LRBA: variants seen among roughly 807,000 people sequenced by gnomAD.
LRBA encodes the protein lipopolysaccharide-responsive and beige-like anchor protein.
Under a neutral mutation model 330.0 loss-of-function variants are expected in LRBA, and 176 were observed. The ratio of observed to expected loss-of-function variants is 0.53; its 90% CI spans 0.47 to 0.60. LRBA has a LOEUF of 0.60. LRBA is among the 20% of genes least tolerant of loss of function. LRBA has a pLI of 0.00. For synonymous variants in LRBA, 1,230 were observed against 1,193.0 expected (o/e 1.03, Z -0.64); for missense variants, 3,259 against 3,444.8 (o/e 0.95, Z 1.35).
At chr4:150,689,475 AT>A (rs1783923593) in intron 36 of LRBA, among the ~76,000 whole-genome samples, 2 of 151,966 alleles carry the variant, frequency 1.3e-5, no homozygotes, top group East Asian at 1.9e-4. Flanking sequence ...ATAAATAAAT[AT>A]TTTTAAAAAG....
chr4:150,844,217 A>T lies in LRBA; in HGVS notation c.4462-10T>A. ...CAATGTCCACTGGGCTCTATTTAAG[A>T]TTAAAAAAAAATTGTATATATATAT... On this transcript the variant is annotated splice_polypyrimidine_tract_variant and intron_variant, in intron 27 of 56. Transcript: ENST00000651943. 7.0e-7 allele frequency: 1 copy of T among 1,431,134 alleles called. No homozygotes were observed. The allele number at this position is 1,431,134 out of a possible 1,614,324, so 88.7% of individuals were successfully genotyped here. A position where few individuals can be genotyped will look rare whatever the true frequency, so the allele number is the denominator to read the frequency against.
At chr4:150,916,357 AGCATAGC>A (rs1169406666) in intron 7 of LRBA, 37 bp downstream of exon 7, 2 of 1,589,982 alleles carry the variant, frequency 1.3e-6, no homozygotes, top group African/African-American at 2.7e-5. Context: ...TTTGATGACT[AGCATAGC>A]TTGTTAACAT....
chr4:150,747,406 C>A lies in LRBA; in HGVS notation c.5646-12040G>T, dbSNP rs117828815. 4.9e-4 allele frequency among the ~76,000 whole-genome samples: 74 copies of A among 152,302 alleles called. No homozygotes were observed. The East Asian group carries it at 0.013, about 27-fold the overall frequency. On this transcript the variant is annotated intron_variant, in intron 35 of 56. Coordinates refer to ENST00000651943, the MANE Select transcript of LRBA (RefSeq NM_001364905.1). ...AATCTGTCTTCCATTTGACACTGCA[C>A]CAACCATTTATAATTTATCTTTACA...
intron 49 of LRBA, among the ~76,000 whole-genome samples, chr4:150,325,588 C>G (rs1733137546): frequency 6.6e-6 from 1 of 151,992 alleles, no homozygotes; most frequent in South Asian, 2.1e-4. Flanking sequence ...CACAAGACAC[C>G]AACTGATGAA....
chr4:150,669,922 G>A (rs1271440545), intron 37 of LRBA, among the ~76,000 whole-genome samples: 1 of 152,154 alleles, frequency 6.6e-6, no homozygotes, highest in Non-Finnish European at 1.5e-5. Context: ...GACCATGGAA[G>A]TGCTCTTGTG....
intron 37 of LRBA, among the ~76,000 whole-genome samples, chr4:150,600,861 T>C (rs1269211795): frequency 6.6e-6 from 1 of 152,220 alleles, no homozygotes; most frequent in Non-Finnish European, 1.5e-5. Context: ...TGTGTATGGC[T>C]TTGATAGTCA....
intron 47 of LRBA, among the ~76,000 whole-genome samples, chr4:150,408,924 G>T (rs1746571011): frequency 6.6e-6 from 1 of 151,764 alleles, no homozygotes; most frequent in Non-Finnish European, 1.5e-5. Context: ...ATAAAATAAG[G>T]TTCCAATTAA....
chr4:150,586,881 CAG>C (rs1208606991), intron 40 of LRBA, among the ~76,000 whole-genome samples: 2 of 152,124 alleles, frequency 1.3e-5, no homozygotes, highest in Non-Finnish European at 2.9e-5. Flanking sequence ...TACCAGAAAT[CAG>C]AGAGTTTAAT....
Position 150,817,449 on chromosome 4 carries a change from A to G in LRBA, c.5172-192T>C, listed in dbSNP as rs559787869. Among the ~76,000 whole-genome samples, 6 of 152,180 alleles carry G rather than the reference A, an allele frequency of 3.9e-5. No homozygotes were observed. The South Asian group carries it at 1.2e-3, about 32-fold the overall frequency. On this transcript the variant is annotated intron_variant, in intron 30 of 56. Transcript: ENST00000651943. ...TACTGTCCATATTTATCTGCATTTC[A>G]CTATGAAAATATAATAATCTATTTA...
At chr4:150,311,608 T>TA (rs759795851) in intron 51 of LRBA, among the ~76,000 whole-genome samples, 4 of 152,162 alleles carry the variant, frequency 2.6e-5, no homozygotes, top group Non-Finnish European at 5.9e-5. Flanking sequence ...CACGTACACA[T>TA]ACATGTGCAA....
chr4:150,558,847 AT>A (rs1703535322), intron 40 of LRBA, among the ~76,000 whole-genome samples: 1 of 152,140 alleles, frequency 6.6e-6, no homozygotes, highest in South Asian at 2.1e-4. Flanking sequence ...GTACCACATG[AT>A]TTATTCTAGC....
intron 34 of LRBA, among the ~76,000 whole-genome samples, chr4:150,764,154 C>T (rs1163553116): frequency 6.6e-6 from 1 of 151,650 alleles, no homozygotes; most frequent in Non-Finnish European, 1.5e-5. Flanking sequence ...ACCTTTCTTG[C>T]TAGAAAAAAA....
intron 47 of LRBA, among the ~76,000 whole-genome samples, chr4:150,399,921 G>A (rs1745238672): frequency 6.6e-6 from 1 of 152,094 alleles, no homozygotes; most frequent in Admixed American, 6.6e-5. Flanking sequence ...AGTTTCAGTG[G>A]GCGGAGATCG....
intron 36 of LRBA, chr4:150,721,195 C>T (rs1372692723): frequency 1.4e-5 from 7 of 509,230 alleles, no homozygotes; most frequent in Non-Finnish European, 2.6e-5. Context: ...ACTGTGGAGC[C>T]TCTCCAAACA....
chr4:150,744,388 C>T (rs765819067), intron 35 of LRBA, among the ~76,000 whole-genome samples: 13 of 152,168 alleles, frequency 8.5e-5, no homozygotes, highest in Non-Finnish European at 1.9e-4. Context: ...CTCTTCTCTA[C>T]CACCTTCCTT....
intron 9 of LRBA, among the ~76,000 whole-genome samples, chr4:150,912,677 T>G (rs1265092947): frequency 6.6e-6 from 1 of 152,080 alleles, no homozygotes; most frequent in Non-Finnish European, 1.5e-5. Flanking sequence ...ACCAAAAAGG[T>G]TGGGGACTGC....
At chr4:150,796,007 T>G (rs1740726838) in intron 34 of LRBA, among the ~76,000 whole-genome samples, 1 of 151,982 alleles carries the variant, frequency 6.6e-6, no homozygotes, top group African/African-American at 2.4e-5. Context: ...GCATATCCCA[T>G]TATTTACGTG....
intron 30 of LRBA, among the ~76,000 whole-genome samples, chr4:150,824,515 T>C (rs1299196131): frequency 6.6e-6 from 1 of 152,142 alleles, no homozygotes; most frequent in Non-Finnish European, 1.5e-5. Context: ...AGGCTTTCAG[T>C]TTTTCTCTGT....
In LRBA at chr4:150,719,973, G is replaced by GA. The variant is rs200951153; in HGVS notation, c.5754+15284dup. 7.5e-3 allele frequency among the ~76,000 whole-genome samples: 1,135 copies of GA among 152,054 alleles called. 11 individuals are homozygous for GA. Among genetic ancestry groups the GA allele is most frequent in the African/African-American group, 0.025 (1,050 of 41,510 alleles). The stretch of plus-strand genomic sequence containing the variant: ...GTAGAAAATATTTAACAAAATCTTA[G>GA]AAAAAAATGAGGATTTCTAAGAAAG... On this transcript the variant is annotated intron_variant, in intron 36 of 56. Transcript: ENST00000651943.
Sources: allele counts gnomAD v4.1 joint callset (sites outside exome capture counted in the v4.1 genomes callset), GRCh38; gene constraint gnomAD v4.1.1; transcripts MANE v1.5; gene names NCBI Gene and HGNC (gene_info 2026-07-23, HGNC 2026-07-21).